The following IL1RAPL1 variants were observed in gnomAD, a reference collection of about 807,000 sequenced individuals.
The protein encoded by IL1RAPL1 is interleukin 1 receptor accessory protein like 1.
In IL1RAPL1, 3 loss-of-function variants were observed where a neutral mutation model predicts 48.4. The ratio of observed to expected loss-of-function variants is 0.06; its 90% confidence interval spans 0.03 to 0.16. IL1RAPL1 has a LOEUF of 0.16. Among genes scored for constraint, IL1RAPL1 ranks in the 10% least tolerant of loss-of-function variants. The probability of loss-of-function intolerance (pLI) is 1.00; values close to 1 mark genes in which losing one functional copy is unlikely to be tolerated. For missense variants in IL1RAPL1, 349 were observed against 530.6 expected, an observed-to-expected ratio of 0.66 and a Z score of 3.36; for synonymous variants, 185 against 187.7, an observed-to-expected ratio of 0.99 and a Z score of 0.12.
At chrX:29,284,062 T>C (rs1932244828) in intron 3 of IL1RAPL1, among the ~76,000 whole-genome samples, 1 of 112,629 alleles carries the variant, frequency 8.9e-6, no homozygotes, top group African/African-American at 3.2e-5. Context: ...ATCTATTTAT[T>C]TGGCTTTCTG....
At chrX:28,994,069 GA>G (rs368814077) in intron 2 of IL1RAPL1, among the ~76,000 whole-genome samples, 11 of 104,527 alleles carry the variant, frequency 1.1e-4, no homozygotes, top group African/African-American at 2.1e-4. Flanking sequence ...GGCATTTTAA[GA>G]AAAAAAAAAG....
chrX:29,742,562 AC>A (rs1356427177), intron 6 of IL1RAPL1, among the ~76,000 whole-genome samples: 13 of 110,998 alleles, frequency 1.2e-4, no homozygotes, highest in African/African-American at 4.2e-4. Context: ...AAAAACTGAT[AC>A]TAAAAACAAA....
intron 1 of IL1RAPL1, among the ~76,000 whole-genome samples, chrX:28,591,617 C>A (rs900427415): frequency 9.0e-6 from 1 of 111,567 alleles, no homozygotes; most frequent in Non-Finnish European, 1.9e-5. Context: ...ACCGGTTGGG[C>A]AGCTATAGGT....
chrX:28,898,769 C>T (rs1047460290), intron 2 of IL1RAPL1, among the ~76,000 whole-genome samples: 2 of 110,777 alleles, frequency 1.8e-5, no homozygotes, highest in African/African-American at 3.3e-5. Flanking sequence ...TACAAACTTC[C>T]TAGGTGATGC....
At chrX:29,782,072 ATCTATCTGTCTG>A (rs1247576066) in intron 6 of IL1RAPL1, among the ~76,000 whole-genome samples, 157 of 80,669 alleles carry the variant, frequency 1.9e-3, no homozygotes, top group African/African-American at 7.5e-3. Flanking sequence ...GTTGATCCAT[ATCTATCTGTCTG>A]TCTGTCTGTC....
chrX:29,644,616 G>C (rs907825825), intron 5 of IL1RAPL1, among the ~76,000 whole-genome samples: 3 of 110,270 alleles, frequency 2.7e-5, no homozygotes, highest in African/African-American at 9.9e-5. Flanking sequence ...AACCAGGCTG[G>C]AGTGCCGTGG....
rs756670336 is a variant in IL1RAPL1 at position 29,955,595 on chromosome X, A to G, written c.1866A>G (p.Lys622=). ...CGTACCATTCACAAATGCGTCAGAA[A>G]CACTACTACCGAAGCTATGAGTACG... ...HNTYHSQMRQ[K]HYYRSYEYDV... The change falls in exon 11 of 11, where the codon AAA becomes AAG. Residue 622 remains lysine (K), a synonymous_variant. Coordinates refer to ENST00000378993, the MANE Select transcript of IL1RAPL1 (RefSeq NM_014271.4). The G allele has an allele frequency of 2.3e-5, 28 of 1,206,492 alleles. No individual in the cohort carries two copies. In the South Asian group the frequency reaches 4.6e-4, roughly 20 times the overall value.
intron 2 of IL1RAPL1, among the ~76,000 whole-genome samples, chrX:29,188,585 C>CTTT (rs11371992): frequency 9.4e-4 from 74 of 79,140 alleles, no homozygotes; most frequent in Admixed American, 1.5e-3. Context: ...AAAACATACA[C>CTTT]TTTTTTTTTT....
intron 3 of IL1RAPL1, among the ~76,000 whole-genome samples, chrX:29,392,168 A>G (rs1933862315): frequency 8.9e-6 from 1 of 112,320 alleles, no homozygotes; most frequent in African/African-American, 3.2e-5. Flanking sequence ...CATTTTATAA[A>G]TACTGAAACC....
At chrX:29,591,835 A>G (rs990079705) in intron 5 of IL1RAPL1, among the ~76,000 whole-genome samples, 2 of 112,666 alleles carry the variant, frequency 1.8e-5, no homozygotes, top group Admixed American at 1.9e-4. Flanking sequence ...CATTTCACAC[A>G]GGAAGAAACC....
intron 5 of IL1RAPL1, among the ~76,000 whole-genome samples, chrX:29,444,340 T>TAA (rs1285478144): frequency 4.5e-5 from 3 of 67,244 alleles, no homozygotes; most frequent in Non-Finnish European, 5.8e-5. Flanking sequence ...AGACTCTGTC[T>TAA]AAAAAAAAAA....
At chrX:29,668,190 C>CT (rs1385384523) in intron 5 of IL1RAPL1, among the ~76,000 whole-genome samples, 1 of 111,973 alleles carries the variant, frequency 8.9e-6, no homozygotes, top group Non-Finnish European at 1.9e-5. Flanking sequence ...TCCTGATGGT[C>CT]TAATTCATTA....
intron 1 of IL1RAPL1, among the ~76,000 whole-genome samples, chrX:28,761,078 C>G (rs1486228578): frequency 3.6e-5 from 3 of 82,828 alleles, no homozygotes; most frequent in Non-Finnish European, 6.9e-5. Flanking sequence ...CAGAGCGAGA[C>G]TCCTTCTCAA....
intron 1 of IL1RAPL1, among the ~76,000 whole-genome samples, chrX:28,663,035 G>A (rs937999765): frequency 1.8e-5 from 2 of 111,159 alleles, no homozygotes; most frequent in African/African-American, 6.6e-5. Context: ...GAAAAAGAAT[G>A]AAAGGGAAGA....
chrX:28,595,609 T>A (rs1237824994), intron 1 of IL1RAPL1, among the ~76,000 whole-genome samples: 1 of 112,004 alleles, frequency 8.9e-6, no homozygotes, highest in Non-Finnish European at 1.9e-5. Context: ...CTATGAACAC[T>A]ATGATGCTTA....
chrX:29,641,012 A>G (rs191994163), intron 5 of IL1RAPL1, among the ~76,000 whole-genome samples: 1 of 111,032 alleles, frequency 9.0e-6, no homozygotes, highest in East Asian at 2.8e-4. Context: ...AAAAAAAAAA[A>G]AATTAAAAAT....
rs746991964 is a variant in IL1RAPL1 at position 29,444,668 on chromosome X, A to C, written c.703+45360A>C. ...GTAGCTCCAGAATGTGGCTGATACA[A>C]TGAGATCAGCAGGGTGTTATACTTC... On this transcript the variant is annotated intron_variant, in intron 5 of 10. Coordinates refer to ENST00000378993, the MANE Select transcript of IL1RAPL1 (RefSeq NM_014271.4). Among the ~76,000 whole-genome samples, 10 of 112,159 alleles carry C rather than the reference A, an allele frequency of 8.9e-5. No homozygotes were observed. In the Admixed American group the frequency reaches 9.5e-4, roughly 11 times the overall value.
intron 5 of IL1RAPL1, among the ~76,000 whole-genome samples, chrX:29,624,649 C>T (rs928756740): frequency 1.0e-4 from 11 of 105,251 alleles, no homozygotes; most frequent in African/African-American, 2.5e-4. Flanking sequence ...GCCTGGGCAA[C>T]GTGGGGGAAA....
At chrX:28,711,014 G>A (rs1935434546) in intron 1 of IL1RAPL1, among the ~76,000 whole-genome samples, 1 of 111,765 alleles carries the variant, frequency 8.9e-6, no homozygotes, top group South Asian at 3.7e-4. Flanking sequence ...TTAGTCTAAT[G>A]TACATTTAAA....
Sources: allele counts gnomAD v4.1 joint callset (sites outside exome capture counted in the v4.1 genomes callset), GRCh38; gene constraint gnomAD v4.1.1; transcripts MANE v1.5; gene names NCBI Gene and HGNC (gene_info 2026-07-23, HGNC 2026-07-21).